ENPP6: variants seen among roughly 807,000 people sequenced by gnomAD.
ENPP6 encodes the protein ectonucleotide pyrophosphatase/phosphodiesterase 6, also known as glycerophosphocholine cholinephosphodiesterase ENPP6.
In ENPP6, 32 loss-of-function variants were observed where a neutral mutation model predicts 42.0. The ratio of observed to expected loss-of-function variants is 0.76; its 90% CI spans 0.58 to 1.02. The LOEUF is 1.02. Ranked by LOEUF, ENPP6 falls within the 50% of genes least tolerant of loss-of-function variation. The pLI, the probability that ENPP6 is intolerant of heterozygous loss-of-function variation, is 0.00. For synonymous variants in ENPP6, 213 were observed against 216.0 expected, an observed-to-expected ratio of 0.99 and a Z score of 0.12; for missense variants, 552 against 566.8, an observed-to-expected ratio of 0.97 and a Z score of 0.27.
intron 6 of ENPP6, among the ~76,000 whole-genome samples, chr4:184,106,871 G>T (rs775976688): frequency 1.3e-5 from 2 of 152,210 alleles, no homozygotes; most frequent in Admixed American, 6.5e-5. Context: ...CTGCTGGTTC[G>T]CTAGGTGCAC....
At chr4:184,107,052 T>C (rs1015841799) in intron 6 of ENPP6, among the ~76,000 whole-genome samples, 6 of 152,236 alleles carry the variant, frequency 3.9e-5, no homozygotes, top group East Asian at 1.9e-4. Context: ...CACCGTGACA[T>C]TGTGACAACC....
intron 1 of ENPP6, among the ~76,000 whole-genome samples, chr4:184,156,860 C>T (rs1019643123): frequency 6.6e-6 from 1 of 152,196 alleles, no homozygotes; most frequent in Non-Finnish European, 1.5e-5. Context: ...CTTAGCAAGG[C>T]CCCCAGAAAC....
chr4:184,113,327 A>T (rs1417832564), intron 5 of ENPP6, among the ~76,000 whole-genome samples: 1 of 152,230 alleles, frequency 6.6e-6, no homozygotes, highest in Admixed American at 6.5e-5. Context: ...AGTTTGAGCA[A>T]CTACAAAACT....
intron 1 of ENPP6, among the ~76,000 whole-genome samples, chr4:184,185,248 T>C (rs1273401008): frequency 6.6e-6 from 1 of 152,220 alleles, no homozygotes; most frequent in East Asian, 1.9e-4. Flanking sequence ...CGGTTGCTCC[T>C]GTCATGATTC....
chr4:184,112,462 CT>C (rs2111341712), intron 6 of ENPP6: 1 of 578,464 alleles, frequency 1.7e-6, no homozygotes, highest in East Asian at 3.1e-5. Context: ...GCCACGAAGT[CT>C]AAACCATGAC....
At chr4:184,202,469 C>A (rs1368093416) in intron 1 of ENPP6, among the ~76,000 whole-genome samples, 1 of 152,128 alleles carries the variant, frequency 6.6e-6, no homozygotes, top group African/African-American at 2.4e-5. Context: ...TTTGGTATGG[C>A]TTTCATAGAC....
rs757537487 is a variant in ENPP6 at position 184,153,534 on chromosome 4, A to G, written c.421+20T>C. 6.3e-7 allele frequency: 1 copy of G among 1,596,680 alleles called. No individual in the cohort carries two copies. The stretch of plus-strand genomic sequence containing the variant: ...ACTCTATGATGATTTGAGATTTGGA[A>G]TGGATGTTCACACACTCACCTGGCC... On this transcript the variant is annotated intron_variant, in intron 2 of 7. Coordinates refer to ENST00000296741, the MANE Select transcript of ENPP6 (RefSeq NM_153343.4).
chr4:184,208,906 C>T (rs573869094), intron 1 of ENPP6, among the ~76,000 whole-genome samples: 62 of 144,312 alleles, frequency 4.3e-4, no homozygotes, highest in South Asian at 3.1e-3. Context: ...GGCAGACTGC[C>T]TCCTCAAGTG....
At chr4:184,133,804 A>G (rs1042265410) in intron 2 of ENPP6, among the ~76,000 whole-genome samples, 4 of 151,510 alleles carry the variant, frequency 2.6e-5, no homozygotes, top group African/African-American at 9.7e-5. Flanking sequence ...ATTGCTTTTC[A>G]TGTATCTACT....
chr4:184,124,279 A>G lies in ENPP6; in HGVS notation c.422-7T>C. 6.2e-7 allele frequency: 1 copy of G among 1,608,848 alleles called. No individual in the cohort carries two copies. The highest frequency in any genetic ancestry group is 1.3e-5 in the African/African-American group (1 of 74,960). On this transcript the variant is annotated splice_region_variant and splice_polypyrimidine_tract_variant and intron_variant, in intron 2 of 7. Transcript: ENST00000296741. ...AGAATCTCAACCTCACAGCCTGAGAAGGAAAAAGATGGCAAATAGTTACTC... is the reference window on the plus strand; with the variant it reads ...AGAATCTCAACCTCACAGCCTGAGAGGGAAAAAGATGGCAAATAGTTACTC...
At chr4:184,152,545 A>G (rs1029366104) in intron 2 of ENPP6, among the ~76,000 whole-genome samples, 1 of 152,184 alleles carries the variant, frequency 6.6e-6, no homozygotes, top group South Asian at 2.1e-4. Flanking sequence ...ATCTTCCTCC[A>G]TAATGGCCAT....
At chr4:184,091,423 C>G (rs772113940) in intron 7 of ENPP6, 41 bp from the exon 8 acceptor site, 4 of 1,562,686 alleles carry the variant, frequency 2.6e-6, no homozygotes, top group Non-Finnish European at 3.5e-6. Context: ...CATGGCAGCT[C>G]CAGGGCAGAG....
Position 184,117,753 on chromosome 4 carries a change from G to T in ENPP6, c.675+6C>A, listed in dbSNP as rs765805733. 1 of 1,613,104 alleles carries T rather than the reference G, an allele frequency of 6.2e-7. No individual in the cohort carries two copies. Among genetic ancestry groups the T allele is most frequent in the South Asian group, 1.1e-5 (1 of 91,056 alleles). On this transcript the variant is annotated splice_donor_region_variant and intron_variant, in intron 4 of 7. Transcript: ENST00000296741. Reference sequence around the variant, plus strand: ...GGCCAGGCCACGTGTCTTTGCTTCAGGTCACCTGGATCCACTTGGTCATGT... The same window carrying T: ...GGCCAGGCCACGTGTCTTTGCTTCATGTCACCTGGATCCACTTGGTCATGT...
chr4:184,213,552 A>C (rs1383198549), intron 1 of ENPP6, among the ~76,000 whole-genome samples: 7 of 151,564 alleles, frequency 4.6e-5, no homozygotes, highest in East Asian at 1.9e-4. Flanking sequence ...ACCATCTCAC[A>C]CCAGTTAGAA....
chr4:184,117,408 G>A (rs1331838341), intron 4 of ENPP6, among the ~76,000 whole-genome samples: 4 of 152,210 alleles, frequency 2.6e-5, no homozygotes, highest in Non-Finnish European at 5.9e-5. Flanking sequence ...AAACAAAACT[G>A]AACACTTGTA....
intron 2 of ENPP6, among the ~76,000 whole-genome samples, chr4:184,137,245 C>T (rs1736743457): frequency 6.6e-6 from 1 of 152,124 alleles, no homozygotes; most frequent in Non-Finnish European, 1.5e-5. Context: ...TACAGGCACC[C>T]ACCACCACAC....
At chr4:184,194,951 G>A (rs936224031) in intron 1 of ENPP6, among the ~76,000 whole-genome samples, 1 of 152,102 alleles carries the variant, frequency 6.6e-6, no homozygotes, top group Non-Finnish European at 1.5e-5. Context: ...GGAAAAAGAC[G>A]CCCCACACCT....
chr4:184,164,025 C>T (rs1737309700), intron 1 of ENPP6, among the ~76,000 whole-genome samples: 1 of 152,194 alleles, frequency 6.6e-6, no homozygotes, highest in African/African-American at 2.4e-5. Flanking sequence ...TGGGTTATAA[C>T]AACGTGTGAC....
At chr4:184,145,333 C>G (rs774831153) in intron 2 of ENPP6, among the ~76,000 whole-genome samples, 8 of 152,208 alleles carry the variant, frequency 5.3e-5, no homozygotes, top group African/African-American at 1.2e-4. Context: ...TCCTTCCCTT[C>G]CTTTCTATCC....
Sources: allele counts gnomAD v4.1 joint callset (sites outside exome capture counted in the v4.1 genomes callset), GRCh38; gene constraint gnomAD v4.1.1; transcripts MANE v1.5; gene names NCBI Gene and HGNC (gene_info 2026-07-23, HGNC 2026-07-21).